Variants in FOLH1 observed in about 807,000 individuals in gnomAD.
FOLH1 encodes folate hydrolase 1, also known as glutamate carboxypeptidase 2.
FOLH1 carries 54 observed loss-of-function variants against 93.9 expected under a neutral mutation model. The ratio of observed to expected loss-of-function variants is 0.57; its 90% CI spans 0.46 to 0.72. The LOEUF is 0.72. Ranked by LOEUF, FOLH1 falls within the 30% of genes least tolerant of loss-of-function variation. FOLH1 has a pLI of 0.00. For synonymous variants in FOLH1, 249 were observed against 303.6 expected (o/e 0.82, Z 1.87); for missense variants, 571 against 892.5 (o/e 0.64, Z 4.59).
chr11:49,182,731 C>T (rs1860913683), intron 7 of FOLH1, among the ~76,000 whole-genome samples: 1 of 152,142 alleles, frequency 6.6e-6, no homozygotes, highest in South Asian at 2.1e-4. Flanking sequence ...TTAAGCGAGG[C>T]TATCAAGGAG....
intron 13 of FOLH1, among the ~76,000 whole-genome samples, chr11:49,163,145 T>C (rs1408726845): frequency 6.6e-6 from 1 of 152,098 alleles, no homozygotes; most frequent in East Asian, 1.9e-4. Flanking sequence ...CTCGGTTGTC[T>C]TGGACACTCC....
chr11:49,197,637 G>A (rs2135291134), intron 3 of FOLH1, among the ~76,000 whole-genome samples: 1 of 152,032 alleles, frequency 6.6e-6, no homozygotes, highest in African/African-American at 2.4e-5. Context: ...TTTGTGCAGG[G>A]GTATAAAAGA....
In FOLH1 at chr11:49,168,879, G is replaced by A. The variant is rs1230936369; in HGVS notation, c.1372+316C>T. The stretch of plus-strand genomic sequence containing the variant: ...TCCTGCTGTATATAAAAAGAAATCT[G>A]CCAGATGAAGCTAATCAAAGAATGC... On this transcript the variant is annotated intron_variant, in intron 12 of 18. Transcript: ENST00000256999. 2.6e-5 allele frequency among the ~76,000 whole-genome samples: 4 copies of A among 152,106 alleles called. No homozygotes were observed. The East Asian group carries it at 7.7e-4, about 29-fold the overall frequency.
chr11:49,202,534 G>T (rs667827), intron 2 of FOLH1, among the ~76,000 whole-genome samples: 49,253 of 151,770 alleles, frequency 0.32, 9,355 homozygotes, highest in African/African-American at 0.53. Flanking sequence ...ATGCCACCAT[G>T]CCCAGATAAG....
At chr11:49,170,371 T>G (rs1250392852) in intron 11 of FOLH1, among the ~76,000 whole-genome samples, 1 of 152,156 alleles carries the variant, frequency 6.6e-6, no homozygotes, top group East Asian at 1.9e-4. Context: ...TCCTAGCACT[T>G]TGGGAGGCCG....
At chr11:49,152,248 C>T (rs1856579292) in intron 17 of FOLH1, among the ~76,000 whole-genome samples, 1 of 152,082 alleles carries the variant, frequency 6.6e-6, no homozygotes, top group African/African-American at 2.4e-5. Flanking sequence ...TTTCTCCAGG[C>T]AGCCTTTCTT....
chr11:49,149,279 G>C (rs1252476485), intron 17 of FOLH1, among the ~76,000 whole-genome samples: 1 of 152,186 alleles, frequency 6.6e-6, no homozygotes, highest in Admixed American at 6.5e-5. Flanking sequence ...AAATTATATC[G>C]TTTCAAGTGA....
intron 11 of FOLH1, among the ~76,000 whole-genome samples, chr11:49,170,696 G>A (rs1394778467): frequency 6.6e-6 from 1 of 152,178 alleles, no homozygotes; most frequent in Non-Finnish European, 1.5e-5. Context: ...TGGCTTCATG[G>A]TCAGGAAATA....
At chr11:49,189,953 C>T (rs1438795987) in intron 4 of FOLH1, among the ~76,000 whole-genome samples, 3 of 152,246 alleles carry the variant, frequency 2.0e-5, no homozygotes, top group Non-Finnish European at 2.9e-5. Flanking sequence ...AAAAGGATTA[C>T]ATTTAGCTCT....
chr11:49,202,406 C>T (rs1238267127), intron 2 of FOLH1, among the ~76,000 whole-genome samples: 1 of 149,064 alleles, frequency 6.7e-6, no homozygotes, highest in Admixed American at 6.7e-5. Flanking sequence ...CACATTATCT[C>T]TTTTTTTTTT....
chr11:49,202,291 TAAAC>T (rs1409335448), intron 2 of FOLH1, among the ~76,000 whole-genome samples: 1 of 152,098 alleles, frequency 6.6e-6, no homozygotes, highest in Admixed American at 6.5e-5. Flanking sequence ...TTGTAAAAAA[TAAAC>T]AAGAATAAGA....
At chr11:49,203,123 C>A (rs1453888810) in intron 2 of FOLH1, among the ~76,000 whole-genome samples, 1 of 152,168 alleles carries the variant, frequency 6.6e-6, no homozygotes, top group Non-Finnish European at 1.5e-5. Flanking sequence ...TATGTGATTT[C>A]ATTGGGCCTA....
At chr11:49,174,396 A>AG (rs1157949834) in intron 9 of FOLH1, among the ~76,000 whole-genome samples, 1 of 152,212 alleles carries the variant, frequency 6.6e-6, no homozygotes, top group Non-Finnish European at 1.5e-5. Context: ...TCAGTAGATC[A>AG]TCTGAACTTC....
At chr11:49,153,470 T>C (rs1325886426) in intron 17 of FOLH1, among the ~76,000 whole-genome samples, 2 of 151,290 alleles carry the variant, frequency 1.3e-5, no homozygotes, top group African/African-American at 2.4e-5. Context: ...ACAGCTGGGG[T>C]CACACAGTAG....
intron 2 of FOLH1, among the ~76,000 whole-genome samples, chr11:49,204,605 A>C (rs1175144446): frequency 6.6e-6 from 1 of 152,184 alleles, no homozygotes; most frequent in Non-Finnish European, 1.5e-5. Context: ...AAAGATAAAG[A>C]AGTTCGAGCT....
chr11:49,179,341 G>A (rs1167612054), intron 7 of FOLH1, among the ~76,000 whole-genome samples: 2 of 152,120 alleles, frequency 1.3e-5, no homozygotes, highest in Non-Finnish European at 2.9e-5. Context: ...TCTGTAAAAC[G>A]AGCCTGGATA....
intron 3 of FOLH1, among the ~76,000 whole-genome samples, chr11:49,195,861 T>C (rs1044253157): frequency 1.3e-5 from 2 of 152,166 alleles, no homozygotes; most frequent in Non-Finnish European, 2.9e-5. Context: ...AAGAATACAT[T>C]TTTTAAAAAA....
At chr11:49,159,314 A>C (rs2134955800) in intron 13 of FOLH1, among the ~76,000 whole-genome samples, 1 of 152,320 alleles carries the variant, frequency 6.6e-6, no homozygotes, top group African/African-American at 2.4e-5. Flanking sequence ...TTCAATACCT[A>C]GTTTATTGAT....
intron 4 of FOLH1, among the ~76,000 whole-genome samples, chr11:49,187,036 C>CCA (rs1861471026): frequency 1.4e-5 from 2 of 140,888 alleles, no homozygotes; most frequent in Admixed American, 7.1e-5. Flanking sequence ...TACAGAAGCA[C>CCA]CCCCCCCACA....
Sources: gnomAD v4.1 joint callset for allele counts (sites outside exome capture counted in the v4.1 genomes callset) on GRCh38, gnomAD v4.1.1 for gene constraint, MANE v1.5 for transcripts, NCBI Gene and HGNC (gene_info 2026-07-23, HGNC 2026-07-21) for gene names.